Variants in AGPS observed in about 807,000 individuals in gnomAD.
AGPS encodes alkyldihydroxyacetonephosphate synthase, peroxisomal.
A neutral mutation model predicts 90.7 loss-of-function variants in AGPS; 26 were observed. That is an observed-to-expected ratio of 0.29 (90% CI 0.21 to 0.40). AGPS has a LOEUF of 0.40. AGPS is among the 10% of genes least tolerant of loss of function. The probability of loss-of-function intolerance (pLI) is 1.00; values close to 1 mark genes in which losing one functional copy is unlikely to be tolerated. For synonymous variants in AGPS, 294 were observed against 285.3 expected (o/e 1.03, Z -0.31); for missense variants, 540 against 816.1 (o/e 0.66, Z 4.12).
At chr2:177,465,057 C>T (rs766391003) in intron 9 of AGPS, among the ~76,000 whole-genome samples, 11 of 152,154 alleles carry the variant, frequency 7.2e-5, no homozygotes, top group Non-Finnish European at 1.3e-4. Context: ...GTAATCCCAG[C>T]ACTTTGAGAG....
At chr2:177,504,032 A>G (rs1251214879) in intron 14 of AGPS, among the ~76,000 whole-genome samples, 2 of 152,210 alleles carry the variant, frequency 1.3e-5, no homozygotes, top group Non-Finnish European at 2.9e-5. Flanking sequence ...TTAAATGTTT[A>G]TACCTGTTAC....
At chr2:177,513,058 T>A (rs1474301468) in intron 16 of AGPS, among the ~76,000 whole-genome samples, 6 of 145,304 alleles carry the variant, frequency 4.1e-5, no homozygotes, top group Admixed American at 1.4e-4. Flanking sequence ...TTGCCCAGGC[T>A]AGTAACATCA....
chr2:177,437,091 T>A (rs947972014), intron 5 of AGPS, 37 bp downstream of exon 5: 8 of 1,582,858 alleles, frequency 5.1e-6, no homozygotes, highest in Non-Finnish European at 6.9e-6. Flanking sequence ...AATTTAGTAT[T>A]GCTAAATTTT....
chr2:177,537,351 C>G lies in AGPS; in HGVS notation c.1856-723C>G, dbSNP rs1377367123. Among the ~76,000 whole-genome samples the G allele has an allele frequency of 7.4e-5, 11 of 147,870 alleles. No homozygotes were observed. The East Asian group carries it at 1.5e-3, about 21-fold the overall frequency. ...CTATTCTCAGAACAAATTAGCAAGA[C>G]CTAGAAACAAAAAAAGGGAACTTTG... On this transcript the variant is annotated intron_variant, in intron 19 of 19. Coordinates refer to ENST00000264167, the MANE Select transcript of AGPS (RefSeq NM_003659.4).
intron 8 of AGPS, among the ~76,000 whole-genome samples, chr2:177,459,923 C>T (rs1371190406): frequency 2.0e-5 from 3 of 152,182 alleles, no homozygotes; most frequent in African/African-American, 7.2e-5. Flanking sequence ...CCCAAATGTC[C>T]ATCAATGATA....
intron 5 of AGPS, 52 bp downstream of exon 5, chr2:177,437,106 A>G: frequency 1.3e-6 from 2 of 1,525,982 alleles, no homozygotes; most frequent in Non-Finnish European, 1.8e-6. Flanking sequence ...AATTTTAGGT[A>G]AATTTAACAT....
At chr2:177,445,737 AC>A (rs1686750022) in intron 8 of AGPS, 111 bp downstream of exon 8, 1 of 694,932 alleles carries the variant, frequency 1.4e-6, no homozygotes, top group Non-Finnish European at 2.3e-6. Context: ...TGAATGAAAT[AC>A]CTTTTATGAT....
At position 177,416,496 on chromosome 2, in the gene AGPS, A is replaced by G. The variant is rs16865224; in HGVS notation, c.261-3773A>G. ...TTTATGCAGTAAAATCAAGCCAACT[A>G]TTCTTTCGGCAGGAGGAGGGTTTTT... On this transcript the variant is annotated intron_variant, in intron 1 of 19. Transcript: ENST00000264167. 4.0e-3 allele frequency among the ~76,000 whole-genome samples: 612 copies of G among 151,866 alleles called. 5 individuals carry two copies. The highest frequency in any genetic ancestry group is 0.032 in the East Asian group (167 of 5,174).
intron 5 of AGPS, among the ~76,000 whole-genome samples, chr2:177,437,421 A>C (rs527576545): frequency 6.6e-6 from 1 of 152,268 alleles, no homozygotes; most frequent in South Asian, 2.1e-4. Flanking sequence ...ATTAGTAATA[A>C]TTTGTTGATA....
chr2:177,412,818 A>G (rs1038404464), intron 1 of AGPS, among the ~76,000 whole-genome samples: 6 of 152,262 alleles, frequency 3.9e-5, no homozygotes, highest in Admixed American at 6.5e-5. Context: ...GCCATGGGTC[A>G]TGGAACAGAA....
chr2:177,449,908 G>A (rs1686886713), intron 8 of AGPS, among the ~76,000 whole-genome samples: 1 of 151,752 alleles, frequency 6.6e-6, no homozygotes, highest in Non-Finnish European at 1.5e-5. Flanking sequence ...TGTGATCTCG[G>A]CTCACTGCAA....
chr2:177,444,007 A>G (rs897134461), intron 7 of AGPS, among the ~76,000 whole-genome samples: 4 of 152,208 alleles, frequency 2.6e-5, no homozygotes, highest in Non-Finnish European at 5.9e-5. Context: ...GAGAAGATAT[A>G]TATATAAGGT....
chr2:177,397,952 A>G (rs1307327063), intron 1 of AGPS, among the ~76,000 whole-genome samples: 2 of 152,154 alleles, frequency 1.3e-5, no homozygotes, highest in Admixed American at 6.5e-5. Context: ...GATTGCTTTG[A>G]GCCTGGGAGG....
chr2:177,490,699 G>A (rs1356257280), intron 11 of AGPS, among the ~76,000 whole-genome samples: 1 of 151,860 alleles, frequency 6.6e-6, no homozygotes, highest in Non-Finnish European at 1.5e-5. Context: ...TTTTTAATTT[G>A]AAAATTTTAA....
In AGPS at chr2:177,393,031, G is replaced by A. The variant is rs1219105840; in HGVS notation, c.242G>A (p.Gly81Asp). 2 of 1,550,374 alleles carry A rather than the reference G, an allele frequency of 1.3e-6. No individual in the cohort carries two copies. The highest frequency in any genetic ancestry group is 1.7e-6 in the Non-Finnish European group (2 of 1,146,806). The change falls in exon 1 of 20, where the codon GGC becomes GAC. Residue 81 changes from glycine to aspartate, a missense_variant. Gly to Asp is a moderately conservative substitution (Grantham distance 94). Coordinates refer to ENST00000264167, the MANE Select transcript of AGPS (RefSeq NM_003659.4). ...PTATPAAQESGTIPKKRQEVM... is the reference protein window; with the variant it reads ...PTATPAAQESDTIPKKRQEVM... ...GCCACTCCCGCCGCGCAGGAGTCGG[G>A]CACCATCCCAAAGAAGCGGTGAGTA... is the stretch of plus-strand genomic sequence containing the variant.
At chr2:177,410,625 G>A (rs1194262206) in intron 1 of AGPS, among the ~76,000 whole-genome samples, 1 of 152,172 alleles carries the variant, frequency 6.6e-6, no homozygotes, top group Admixed American at 6.5e-5. Context: ...GAAGTATTTA[G>A]TGACTGCCTG....
At chr2:177,435,197 CTT>C (rs1211019322) in intron 3 of AGPS, among the ~76,000 whole-genome samples, 1 of 151,658 alleles carries the variant, frequency 6.6e-6, no homozygotes, top group African/African-American at 2.4e-5. Context: ...AGGGCTATGT[CTT>C]ATACAATATT....
chr2:177,419,145 TTGTATTA>T (rs1187878288), intron 1 of AGPS, among the ~76,000 whole-genome samples: 3 of 151,928 alleles, frequency 2.0e-5, no homozygotes, highest in African/African-American at 7.2e-5. Context: ...TCTGGCTTAG[TTGTATTA>T]TGTTCATGTT....
chr2:177,482,039 T>G lies in AGPS; in HGVS notation c.1106-20T>G. ...AATTGTCATGTGATGTACTGGATTA[T>G]TCCCCCTTCTTTTTTTCAGGAACTC... On this transcript the variant is annotated intron_variant, in intron 10 of 19. Transcript: ENST00000264167. The G allele has an allele frequency of 6.3e-7, 1 of 1,586,312 alleles. No homozygotes were observed. Among genetic ancestry groups the G allele is most frequent in the South Asian group, 1.1e-5 (1 of 90,084 alleles).
Sources: gnomAD v4.1 joint callset for allele counts (sites outside exome capture counted in the v4.1 genomes callset) on GRCh38, gnomAD v4.1.1 for gene constraint, MANE v1.5 for transcripts, NCBI Gene and HGNC (gene_info 2026-07-23, HGNC 2026-07-21) for gene names.